NCALD: variants seen among roughly 807,000 people sequenced by gnomAD.
NCALD encodes the protein neurocalcin delta, also known as neurocalcin-delta.
NCALD carries 10 observed loss-of-function variants against 18.6 expected under a neutral mutation model. That is an observed-to-expected ratio of 0.54 (90% CI 0.33 to 0.91). The LOEUF is 0.91. Ranked by LOEUF, NCALD falls within the 40% of genes least tolerant of loss-of-function variation. NCALD has a pLI of 0.03. For missense variants in NCALD, 184 were observed against 247.6 expected (o/e 0.74, Z 1.72); for synonymous variants, 88 against 87.4 (o/e 1.01, Z -0.04).
chr8:102,086,281 C>T (rs1472109681), intron 1 of NCALD, among the ~76,000 whole-genome samples: 1 of 152,164 alleles, frequency 6.6e-6, no homozygotes, highest in East Asian at 1.9e-4. Flanking sequence ...AAATATTGCA[C>T]TAAGACTAAA....
At chr8:101,884,408 G>A (rs911383854) in intron 4 of NCALD, among the ~76,000 whole-genome samples, 7 of 152,112 alleles carry the variant, frequency 4.6e-5, no homozygotes, top group African/African-American at 1.7e-4. Flanking sequence ...ACCTAACACA[G>A]TGCCTGTCAC....
upstream of NCALD, among the ~76,000 whole-genome samples, chr8:101,791,533 T>C (rs1183994979): frequency 6.6e-6 from 1 of 151,746 alleles, no homozygotes; most frequent in African/African-American, 2.4e-5. Context: ...GAAAGAAAAA[T>C]AAAAAACAGT....
chr8:101,870,948 T>C (rs1815992189), intron 4 of NCALD, among the ~76,000 whole-genome samples: 1 of 119,454 alleles, frequency 8.4e-6, no homozygotes, highest in Non-Finnish European at 1.6e-5. Context: ...CTAAAGAACA[T>C]CTGGTCGAAA....
At chr8:102,116,121 G>A (rs11778337) in intron 1 of NCALD, among the ~76,000 whole-genome samples, 17,392 of 150,734 alleles carry the variant, frequency 0.12, 1,124 homozygotes, top group Middle Eastern at 0.17. Context: ...GGTGGGGGGA[G>A]GCGGGAGGGA....
chr8:101,843,894 A>T (rs941645125), intron 4 of NCALD, among the ~76,000 whole-genome samples: 2 of 152,170 alleles, frequency 1.3e-5, no homozygotes, highest in Non-Finnish European at 2.9e-5. Flanking sequence ...GGATCTTTTT[A>T]AAAATTTTAA....
intron 1 of NCALD, among the ~76,000 whole-genome samples, chr8:102,059,478 A>T (rs969772459): frequency 6.6e-6 from 1 of 152,244 alleles, no homozygotes; most frequent in African/African-American, 2.4e-5. Flanking sequence ...GGATGAAAGG[A>T]TGTTTATAAC....
At chr8:101,855,505 G>A (rs1815277326) in intron 4 of NCALD, among the ~76,000 whole-genome samples, 1 of 152,196 alleles carries the variant, frequency 6.6e-6, no homozygotes, top group South Asian at 2.1e-4. Flanking sequence ...AAGCCACTGA[G>A]ATTTGGGGGG....
intron 1 of NCALD, among the ~76,000 whole-genome samples, chr8:101,743,346 G>T (rs1407986208): frequency 6.6e-6 from 1 of 152,164 alleles, no homozygotes; most frequent in Non-Finnish European, 1.5e-5. Context: ...ATAGAGGACT[G>T]CTTTATACAA....
chr8:101,732,590 C>CTTTTTTTTTTTTTTTTTTTTTTTT lies in NCALD; in HGVS notation c.-19-12966_-19-12943dup, dbSNP rs576286368. On this transcript the variant is annotated intron_variant, in intron 1 of 3. Transcript: ENST00000220931. Reference sequence around the variant, plus strand: ...AATTCAGAGTATTTCTTTTTCTTTGCTTTTTTTTTTTTTTTTTTTTTTTTT... The same window carrying CTTTTTTTTTTTTTTTTTTTTTTTT: ...AATTCAGAGTATTTCTTTTTCTTTGCTTTTTTTTTTTTTTTTTTTTTTTTTTTTTTTTTTTTTTTTTTTTTTTTT... Among the ~76,000 whole-genome samples the CTTTTTTTTTTTTTTTTTTTTTTTT allele has an allele frequency of 3.7e-5, 2 of 53,676 alleles. 1 individual carries two copies. Among genetic ancestry groups the CTTTTTTTTTTTTTTTTTTTTTTTT allele is most frequent in the African/African-American group, 1.4e-4 (2 of 13,876 alleles). The allele number at this position is 53,676 out of a possible 152,430, so 35.2% of individuals were successfully genotyped here. A position where few individuals can be genotyped will look rare whatever the true frequency, so the allele number is the denominator to read the frequency against.
At chr8:101,705,046 A>G (rs1212851229) in intron 2 of NCALD, among the ~76,000 whole-genome samples, 1 of 151,570 alleles carries the variant, frequency 6.6e-6, no homozygotes, top group Non-Finnish European at 1.5e-5. Context: ...GGCCAACATG[A>G]TGAAACCCCG....
chr8:102,122,681 T>C (rs1214311477), intron 1 of NCALD, among the ~76,000 whole-genome samples: 3 of 152,228 alleles, frequency 2.0e-5, no homozygotes, highest in Admixed American at 6.5e-5. Flanking sequence ...TTGTTATCTA[T>C]TATCAACCTC....
At chr8:102,124,045 G>A (rs1406264687) in intron 1 of NCALD, 1 of 152,290 alleles carries the variant, frequency 6.6e-6, no homozygotes, top group Non-Finnish European at 1.5e-5. Context: ...AATTGACAGG[G>A]TGAACTGCAC....
chr8:101,704,813 G>A (rs1177462567), intron 2 of NCALD, among the ~76,000 whole-genome samples: 5 of 151,342 alleles, frequency 3.3e-5, no homozygotes, highest in South Asian at 2.1e-4. Context: ...CCAGCTACTC[G>A]GGAGGCTGAG....
At chr8:102,067,474 A>G (rs1824046838) in intron 1 of NCALD, among the ~76,000 whole-genome samples, 1 of 147,706 alleles carries the variant, frequency 6.8e-6, no homozygotes. Context: ...CACACACACA[A>G]AACTGTCCTT....
chr8:102,083,353 C>A (rs1306693494), intron 1 of NCALD, among the ~76,000 whole-genome samples: 3 of 152,112 alleles, frequency 2.0e-5, no homozygotes, highest in Non-Finnish European at 4.4e-5. Context: ...TCTAGAACAC[C>A]CTATAAGCCT....
At chr8:102,038,003 C>G (rs1246792631) in intron 1 of NCALD, among the ~76,000 whole-genome samples, 1 of 152,142 alleles carries the variant, frequency 6.6e-6, no homozygotes, top group Admixed American at 6.5e-5. Flanking sequence ...TTATTTCCCC[C>G]CTTTCACTCA....
At chr8:101,995,862 C>G (rs79656060) in intron 2 of NCALD, among the ~76,000 whole-genome samples, 2,799 of 152,310 alleles carry the variant, frequency 0.018, 37 homozygotes, top group South Asian at 0.041. Flanking sequence ...CAGCAACTTC[C>G]TGGTTTATGA....
chr8:101,735,810 G>A (rs570125035), intron 1 of NCALD, among the ~76,000 whole-genome samples: 2 of 152,140 alleles, frequency 1.3e-5, no homozygotes, highest in Non-Finnish European at 2.9e-5. Context: ...ATTGATCTAC[G>A]CTGTGGCCAG....
chr8:101,983,942 C>T (rs949930330), intron 2 of NCALD, among the ~76,000 whole-genome samples: 5 of 152,190 alleles, frequency 3.3e-5, no homozygotes, highest in Admixed American at 2.6e-4. Context: ...AGGGTGCTTT[C>T]GTCATCCTTT....
Sources: allele counts gnomAD v4.1 joint callset (sites outside exome capture counted in the v4.1 genomes callset), GRCh38; gene constraint gnomAD v4.1.1; transcripts MANE v1.5; gene names NCBI Gene and HGNC (gene_info 2026-07-23, HGNC 2026-07-21).